The following CDH12 variants were observed in gnomAD, a reference collection of about 807,000 sequenced individuals.
CDH12 encodes the protein cadherin 12.
In CDH12, 41 loss-of-function variants were observed where a neutral mutation model predicts 74.1. That is an observed-to-expected ratio of 0.55 (90% confidence interval 0.43 to 0.72). The LOEUF is 0.72. Among genes scored for constraint, CDH12 ranks in the 30% least tolerant of loss-of-function variants. The probability of loss-of-function intolerance (pLI) is 0.00; values close to 1 mark genes in which losing one functional copy is unlikely to be tolerated. For missense variants in CDH12, 945 were observed against 977.2 expected (o/e 0.97, Z 0.44); for synonymous variants, 399 against 355.0 (o/e 1.12, Z -1.39).
chr5:22,614,477 T>TGGAGAAAGGAACTG (rs1737584602), intron 1 of CDH12, among the ~76,000 whole-genome samples: 1 of 32,148 alleles, frequency 3.1e-5, no homozygotes, highest in African/African-American at 1.4e-4. Context: ...GATAAAGAAG[T>TGGAGAAAGGAACTG]TGCAGGATTG....
chr5:21,850,847 G>A (rs1750427377), intron 7 of CDH12, among the ~76,000 whole-genome samples: 1 of 150,892 alleles, frequency 6.6e-6, no homozygotes, highest in Non-Finnish European at 1.5e-5. Context: ...TTTTTAATAT[G>A]AATTCTATAA....
Position 22,015,598 on chromosome 5 carries a change from C to T in CDH12, c.232-40213G>A, listed in dbSNP as rs184083490. 1.8e-4 allele frequency among the ~76,000 whole-genome samples: 28 copies of T among 152,190 alleles called. 1 individual carries two copies. In the East Asian group the frequency reaches 4.8e-3, roughly 26 times the overall value. The stretch of plus-strand genomic sequence containing the variant: ...GGTTCAAGGCCCATGTTCATCATGT[C>T]CTTTGTTATATCATCTAAGCACATT... On this transcript the variant is annotated intron_variant, in intron 5 of 14. Transcript: ENST00000382254.
In CDH12 at chr5:22,164,905, G is replaced by A. The variant is rs539684616; in HGVS notation, c.-187+47593C>T. 3.8e-3 allele frequency among the ~76,000 whole-genome samples: 534 copies of A among 142,258 alleles called. 3 individuals are homozygous for A. The highest frequency in any genetic ancestry group is 0.014 in the African/African-American group (514 of 37,684). The allele number at this position is 142,258 out of a possible 152,430, so 93.3% of individuals were successfully genotyped here. A position where few individuals can be genotyped will look rare whatever the true frequency, so the allele number is the denominator to read the frequency against. On this transcript the variant is annotated intron_variant, in intron 4 of 14. Transcript: ENST00000382254. ...CTAGCACAAACCATGTAGTTTAATTGCCAGGAGGTCTGTCATTAAACATGA... is the reference window on the plus strand; with the variant it reads ...CTAGCACAAACCATGTAGTTTAATTACCAGGAGGTCTGTCATTAAACATGA...
chr5:21,786,448 A>C (rs892113639), intron 10 of CDH12, among the ~76,000 whole-genome samples: 3 of 151,962 alleles, frequency 2.0e-5, no homozygotes, highest in African/African-American at 7.3e-5. Flanking sequence ...CACCACACCC[A>C]GCTGGTTTAC....
intron 3 of CDH12, among the ~76,000 whole-genome samples, chr5:22,390,575 GAGATAGAT>G (rs5866562): frequency 0.065 from 9,682 of 148,168 alleles, 340 homozygotes; most frequent in South Asian, 0.13. Context: ...GATGGATGGA[GAGATAGAT>G]AGATAGATAG....
At chr5:22,503,921 A>G (rs1736278196) in intron 2 of CDH12, among the ~76,000 whole-genome samples, 1 of 152,052 alleles carries the variant, frequency 6.6e-6, no homozygotes, top group Non-Finnish European at 1.5e-5. Context: ...TGAGGTTGAT[A>G]TAATCATGGA....
intron 5 of CDH12, among the ~76,000 whole-genome samples, chr5:22,063,182 T>G (rs1741311782): frequency 1.3e-5 from 2 of 152,104 alleles, no homozygotes; most frequent in Admixed American, 6.6e-5. Context: ...TACTTCTATT[T>G]TTGTCTTTCT....
chr5:22,205,211 C>T (rs1751154750), intron 4 of CDH12, among the ~76,000 whole-genome samples: 1 of 152,200 alleles, frequency 6.6e-6, no homozygotes, highest in South Asian at 2.1e-4. Flanking sequence ...GGAATATTCA[C>T]TCAATCTTGG....
intron 6 of CDH12, among the ~76,000 whole-genome samples, chr5:21,855,514 A>G (rs966610839): frequency 3.3e-5 from 5 of 151,596 alleles, no homozygotes; most frequent in African/African-American, 1.2e-4. Context: ...AGTCTCTAAA[A>G]ACTTTTAAAG....
chr5:22,100,628 TTATC>T (rs1292823953), intron 4 of CDH12, among the ~76,000 whole-genome samples: 2 of 147,932 alleles, frequency 1.4e-5, no homozygotes, highest in African/African-American at 2.5e-5. Context: ...TATGGCTCCT[TTATC>T]TACTATATGC....
intron 6 of CDH12, among the ~76,000 whole-genome samples, chr5:21,911,243 G>A (rs573263371): frequency 1.3e-5 from 2 of 152,102 alleles, no homozygotes; most frequent in African/African-American, 4.8e-5. Context: ...AAACTAAATT[G>A]TGGTATATAG....
chr5:22,208,634 T>C (rs1308178332), intron 4 of CDH12, among the ~76,000 whole-genome samples: 1 of 152,210 alleles, frequency 6.6e-6, no homozygotes, highest in Non-Finnish European at 1.5e-5. Context: ...AACATTTTTA[T>C]TGGCATGGTT....
chr5:21,813,276 C>G (rs1182073776), intron 9 of CDH12, among the ~76,000 whole-genome samples: 1 of 152,020 alleles, frequency 6.6e-6, no homozygotes, highest in East Asian at 1.9e-4. Flanking sequence ...GTCAGGAGTT[C>G]AAGACCAGCC....
intron 4 of CDH12, among the ~76,000 whole-genome samples, chr5:22,106,918 A>C (rs1189963945): frequency 6.6e-6 from 1 of 152,186 alleles, no homozygotes; most frequent in Non-Finnish European, 1.5e-5. Context: ...AAGAGGAGTA[A>C]AAATCTAATA....
intron 1 of CDH12, among the ~76,000 whole-genome samples, chr5:22,608,255 G>A (rs936918710): frequency 6.6e-6 from 1 of 152,210 alleles, no homozygotes; most frequent in African/African-American, 2.4e-5. Context: ...CACACCTCTT[G>A]CATCAGCAAT....
At chr5:22,190,993 T>C (rs1750239686) in intron 4 of CDH12, among the ~76,000 whole-genome samples, 1 of 152,358 alleles carries the variant, frequency 6.6e-6, no homozygotes, top group Non-Finnish European at 1.5e-5. Flanking sequence ...TCTGAAGTAA[T>C]GTAATAGTTT....
At chr5:22,290,921 A>G (rs1737359454) in intron 3 of CDH12, among the ~76,000 whole-genome samples, 1 of 152,196 alleles carries the variant, frequency 6.6e-6, no homozygotes, top group African/African-American at 2.4e-5. Flanking sequence ...ACTTCTATTA[A>G]ACATTTAAAG....
chr5:22,386,427 G>C (rs1218967892), intron 3 of CDH12, among the ~76,000 whole-genome samples: 1 of 152,080 alleles, frequency 6.6e-6, no homozygotes, highest in Non-Finnish European at 1.5e-5. Flanking sequence ...AGACATCCTG[G>C]TGCTTAAAAC....
intron 1 of CDH12, among the ~76,000 whole-genome samples, chr5:22,562,767 AAGAG>A (rs1270556129): frequency 4.0e-5 from 6 of 151,468 alleles, no homozygotes; most frequent in Non-Finnish European, 7.4e-5. Flanking sequence ...CCTTGGAAGA[AAGAG>A]AGACAAAACA....
Sources: gnomAD v4.1 joint callset for allele counts (sites outside exome capture counted in the v4.1 genomes callset) on GRCh38, gnomAD v4.1.1 for gene constraint, MANE v1.5 for transcripts, NCBI Gene and HGNC (gene_info 2026-07-23, HGNC 2026-07-21) for gene names.